The following MAP3K12 variants were observed in gnomAD, a reference collection of about 807,000 sequenced individuals.
The protein encoded by MAP3K12 is MAPK-upstream kinase.
Under a neutral mutation model 87.5 loss-of-function variants are expected in MAP3K12, and 14 were observed. That is an observed-to-expected ratio of 0.16 (90% confidence interval 0.11 to 0.25). MAP3K12 has a LOEUF of 0.25. MAP3K12 is among the 10% of genes least tolerant of loss of function. MAP3K12 has a pLI of 1.00. For missense variants in MAP3K12, 802 were observed against 1,140.4 expected, an observed-to-expected ratio of 0.70 and a Z score of 4.27; for synonymous variants, 469 against 452.5, an observed-to-expected ratio of 1.04 and a Z score of -0.46.
At chr12:53,498,225 G>A (rs1943581048) in intron 1 of MAP3K12, among the ~76,000 whole-genome samples, 1 of 152,182 alleles carries the variant, frequency 6.6e-6, no homozygotes, top group Admixed American at 6.5e-5. Context: ...GTCTGGACAG[G>A]AAGGCTCAGG....
Position 53,486,412 on chromosome 12 carries a change from A to T in MAP3K12, c.629+27T>A. Reference sequence around the variant, plus strand: ...ACCAGGCCTTAGCATAGTATCCCCAACACCCAGCCCCTGCCCTGGACCTCA... The same window carrying T: ...ACCAGGCCTTAGCATAGTATCCCCATCACCCAGCCCCTGCCCTGGACCTCA... On this transcript the variant is annotated intron_variant, in intron 3 of 13. Coordinates refer to ENST00000547488, the MANE Select transcript of MAP3K12 (RefSeq NM_001193511.2). The surrounding 1 kb of genome is among the most constrained non-coding windows in gnomAD (Gnocchi z 4.9). The T allele has an allele frequency of 6.2e-7, 1 of 1,611,684 alleles. No individual in the cohort carries two copies. Among genetic ancestry groups the T allele is most frequent in the Non-Finnish European group, 8.5e-7 (1 of 1,178,488 alleles).
intron 4 of MAP3K12, 39 bp from the exon 5 acceptor site, chr12:53,485,514 C>T: frequency 1.3e-6 from 2 of 1,595,266 alleles, no homozygotes; most frequent in Non-Finnish European, 1.7e-6. Context: ...CACACCCCTC[C>T]ACACACCTCA....
intron 1 of MAP3K12, among the ~76,000 whole-genome samples, chr12:53,490,493 C>T (rs527838456): frequency 6.6e-6 from 1 of 152,140 alleles, no homozygotes; most frequent in South Asian, 2.1e-4. Context: ...TGCCTGTAAT[C>T]CCAGCACTCT....
Position 53,486,701 on chromosome 12 carries a change from C to G in MAP3K12, c.446-79G>C. The G allele has an allele frequency of 6.8e-7, 1 of 1,469,020 alleles. No individual in the cohort carries two copies. The highest frequency in any genetic ancestry group is 9.0e-7 in the Non-Finnish European group (1 of 1,115,116). The allele number at this position is 1,469,020 out of a possible 1,614,324, so 91.0% of individuals were successfully genotyped here. ...CAGGGACAGGATAGCATTGGGTTGG[C>G]TGAATTGACTTAAGGAGGGTGAGGC... On this transcript the variant is annotated intron_variant, in intron 2 of 13. Coordinates refer to ENST00000547488, the MANE Select transcript of MAP3K12 (RefSeq NM_001193511.2). This position sits in a 1 kb window ranked among gnomAD's most constrained non-coding sequence, Gnocchi z 4.9.
chr12:53,483,104 G>A lies in MAP3K12; in HGVS notation c.1699C>T (p.Pro567Ser). The change falls in exon 11 of 14, where the codon CCC becomes TCC. Residue 567 changes from proline to serine, a missense_variant. Physicochemically the swap from Pro to Ser is moderately conservative, Grantham distance 74 (BLOSUM62 -1). Coordinates refer to ENST00000547488, the MANE Select transcript of MAP3K12 (RefSeq NM_001193511.2). ...CGGCGACTCCGTCCTGGTGAGGGGGGGCCCTTAGGACACCCAGGAAGCCCC... is the reference window on the plus strand; with the variant it reads ...CGGCGACTCCGTCCTGGTGAGGGGGAGCCCTTAGGACACCCAGGAAGCCCC... ...GVGLPGCPKG[P>S]PSPGRSRRGK... The A allele has an allele frequency of 6.6e-7, 1 of 1,524,794 alleles. No individual in the cohort carries two copies. Among genetic ancestry groups the A allele is most frequent in the African/African-American group, 1.4e-5 (1 of 71,864 alleles). 94.5% of individuals were successfully genotyped at this position (1,524,794 alleles called of 1,614,324 possible).
Position 53,483,908 on chromosome 12 carries a change from C to T in MAP3K12, c.1358+3G>A, listed in dbSNP as rs1230372620. The T allele has an allele frequency of 6.2e-7, 1 of 1,613,992 alleles. No individual in the cohort carries two copies. Among genetic ancestry groups the T allele is most frequent in the Non-Finnish European group, 8.5e-7 (1 of 1,179,960 alleles). On this transcript the variant is annotated splice_donor_region_variant and intron_variant, in intron 8 of 13. Transcript: ENST00000547488. ...AATCACCTCCCCAAGCACGGGAACTCACCTGAGCTCCTCCCTCCTCCTCAT... is the reference window on the plus strand; with the variant it reads ...AATCACCTCCCCAAGCACGGGAACTTACCTGAGCTCCTCCCTCCTCCTCAT...
chr12:53,479,780 T>G lies in MAP3K12; in HGVS notation c.*1402A>C, dbSNP rs1163045228. The G allele has an allele frequency of 5.5e-6, 1 of 183,414 alleles. No individual in the cohort carries two copies. The highest frequency in any genetic ancestry group is 1.1e-5 in the Non-Finnish European group (1 of 89,514). 11.4% of individuals were successfully genotyped at this position (183,414 alleles called of 1,614,324 possible). On this transcript the variant is annotated 3_prime_UTR_variant, in exon 14 of 14. Transcript: ENST00000547488. ...AATGTCAGGAATTTTTCAAAAAAAT[T>G]AAAAGATGGACTGGAGCTTTTTCTT... is the stretch of plus-strand genomic sequence containing the variant.
chr12:53,489,344 C>G (rs931651957), intron 1 of MAP3K12, among the ~76,000 whole-genome samples: 6 of 151,862 alleles, frequency 4.0e-5, no homozygotes, highest in Non-Finnish European at 7.4e-5. Context: ...AAACAAAAAC[C>G]CTGAATCCTG....
At chr12:53,489,964 CCT>C (rs1943355596) in intron 1 of MAP3K12, among the ~76,000 whole-genome samples, 3 of 152,192 alleles carry the variant, frequency 2.0e-5, no homozygotes, top group Admixed American at 1.3e-4. Context: ...AAGTGCCCTC[CCT>C]AACCCCAATT....
chr12:53,482,430 C>T, intron 11 of MAP3K12, 61 bp from the exon 12 acceptor site: 1 of 1,608,254 alleles, frequency 6.2e-7, no homozygotes, highest in Non-Finnish European at 8.5e-7. Context: ...ACTAAGAATC[C>T]AGGAGAAGGG....
Position 53,486,322 on chromosome 12 carries a change from C to G in MAP3K12, c.630-75G>C. ...TGATTCATACCTGGAACCCCCATTC[C>G]CACCCATTCCACCTATGGATCTCCT... is the stretch of plus-strand genomic sequence containing the variant. On this transcript the variant is annotated intron_variant, in intron 3 of 13. Coordinates refer to ENST00000547488, the MANE Select transcript of MAP3K12 (RefSeq NM_001193511.2). This position sits in a 1 kb window ranked among gnomAD's most constrained non-coding sequence, Gnocchi z 4.9. 6.5e-7 allele frequency: 1 copy of G among 1,550,000 alleles called. No homozygotes were observed. Among genetic ancestry groups the G allele is most frequent in the East Asian group, 2.3e-5 (1 of 44,300 alleles).
chr12:53,501,300 GC>G, upstream of MAP3K12: 1 of 1,273,344 alleles, frequency 7.9e-7, no homozygotes, highest in Non-Finnish European at 1.1e-6. Context: ...CCCGCGGCGG[GC>G]CCTACCGGCC....
chr12:53,499,022 A>C (rs1388053703), intron 1 of MAP3K12, among the ~76,000 whole-genome samples: 1 of 139,272 alleles, frequency 7.2e-6, no homozygotes, highest in Non-Finnish European at 1.5e-5. Context: ...TGGGTATATC[A>C]GTCCTTGCCC....
Position 53,486,277 on chromosome 12 carries a change from C to T in MAP3K12, c.630-30G>A. 2.5e-6 allele frequency: 4 copies of T among 1,572,032 alleles called. No homozygotes were observed. The highest frequency in any genetic ancestry group is 3.5e-6 in the Non-Finnish European group (4 of 1,157,080). On this transcript the variant is annotated intron_variant, in intron 3 of 13. Coordinates refer to ENST00000547488, the MANE Select transcript of MAP3K12 (RefSeq NM_001193511.2). This position sits in a 1 kb window ranked among gnomAD's most constrained non-coding sequence, Gnocchi z 4.9. ...GAGCCAAACAATGGTATGAAGGCCT[C>T]AGCTGGCTCAGCATTCACCTGATTC... is the stretch of plus-strand genomic sequence containing the variant.
Position 53,481,183 on chromosome 12 carries a change from C to T in MAP3K12, c.2678G>A (p.Ter893=), listed in dbSNP as rs1943024629. The change falls in exon 14 of 14, where the codon TGA becomes TAA. Residue 893 remains the stop codon, a stop_retained_variant. Coordinates refer to ENST00000547488, the MANE Select transcript of MAP3K12 (RefSeq NM_001193511.2). ...ALRPPASLPP[*] The stretch of plus-strand genomic sequence containing the variant: ...ATGTACAAGGAATACGAGTGGCTTT[C>T]ATGGAGGGAGGGAAGCTGGGGGCCG... The T allele has an allele frequency of 6.7e-7, 1 of 1,502,334 alleles. No homozygotes were observed. The highest frequency in any genetic ancestry group is 8.9e-7 in the Non-Finnish European group (1 of 1,121,496). The allele number at this position is 1,502,334 out of a possible 1,614,324, so 93.1% of individuals were successfully genotyped here.
Position 53,486,661 on chromosome 12 carries a change from A to AGC in MAP3K12, c.446-41_446-40dup. On this transcript the variant is annotated intron_variant, in intron 2 of 13. Coordinates refer to ENST00000547488, the MANE Select transcript of MAP3K12 (RefSeq NM_001193511.2). This position sits in a 1 kb window ranked among gnomAD's most constrained non-coding sequence, Gnocchi z 4.9. The stretch of plus-strand genomic sequence containing the variant: ...GCACAGTGCCACAAGCCTCAGAAAG[A>AGC]GCCACACTCAAGGCCAGGGACAGGA... 6.5e-7 allele frequency: 1 copy of AGC among 1,530,866 alleles called. No homozygotes were observed. Among genetic ancestry groups the AGC allele is most frequent in the East Asian group, 2.4e-5 (1 of 41,530 alleles). The allele number at this position is 1,530,866 out of a possible 1,614,324, so 94.8% of individuals were successfully genotyped here. A position where few individuals can be genotyped will look rare whatever the true frequency, so the allele number is the denominator to read the frequency against.
Position 53,482,187 on chromosome 12 carries a change from G to A in MAP3K12, c.2334C>T (p.Arg778=), listed in dbSNP as rs1182230329. 1 of 1,614,230 alleles carries A rather than the reference G, an allele frequency of 6.2e-7. No individual in the cohort carries two copies. Among genetic ancestry groups the A allele is most frequent in the South Asian group, 1.1e-5 (1 of 91,090 alleles). ...SQRWPQSLNM[R]QSLSTFSSEN... ...CTGAGCTGAAGGTAGATAGTGACTG[G>A]CGCATGTTCAGGCTCTGAGGCCACC... Residue 778 remains arginine (R), a synonymous_variant, in exon 13 of 14, where the codon CGC becomes CGT. Transcript: ENST00000547488.
rs1942959240 is a variant in MAP3K12, at chr12:53,480,112, T to G, written c.*1070A>C. The G allele has an allele frequency of 6.7e-6, 1 of 149,612 alleles. No homozygotes were observed. The highest frequency in any genetic ancestry group is 2.5e-5 in the African/African-American group (1 of 40,394). 9.3% of individuals were successfully genotyped at this position (149,612 alleles called of 1,614,324 possible). A position where few individuals can be genotyped will look rare whatever the true frequency, so the allele number is the denominator to read the frequency against. ...GCAAGCACTTCCACTAGGGAGGGGG[T>G]GGGGGAAAGGAATGACACATGACAT... On this transcript the variant is annotated 3_prime_UTR_variant, in exon 14 of 14. Transcript: ENST00000547488.
chr12:53,482,446 A>G (rs1943086949), intron 11 of MAP3K12, 77 bp from the exon 12 acceptor site: 2 of 1,606,606 alleles, frequency 1.2e-6, no homozygotes, highest in Non-Finnish European at 1.7e-6. Flanking sequence ...AAGGGAACAT[A>G]GTTACGAAGG....
Sources: allele counts gnomAD v4.1 joint callset (sites outside exome capture counted in the v4.1 genomes callset), GRCh38; gene constraint gnomAD v4.1.1; non-coding constraint Gnocchi (gnomAD v3.1); transcripts MANE v1.5; gene names NCBI Gene and HGNC (gene_info 2026-07-23, HGNC 2026-07-21).